Variants in ASCC1 observed in about 807,000 individuals in gnomAD.
ASCC1 encodes activating signal cointegrator 1 complex subunit 1.
In ASCC1, 35 loss-of-function variants were observed where a neutral mutation model predicts 46.6. The ratio of observed to expected loss-of-function variants is 0.75; its 90% CI spans 0.57 to 0.99. ASCC1 has a LOEUF of 0.99. Ranked by LOEUF, ASCC1 falls within the 50% of genes least tolerant of loss-of-function variation. The pLI is 0.00. For synonymous variants in ASCC1, 143 were observed against 146.6 expected, an observed-to-expected ratio of 0.98 and a Z score of 0.18; for missense variants, 376 against 428.7, an observed-to-expected ratio of 0.88 and a Z score of 1.09.
intron 6 of ASCC1, among the ~76,000 whole-genome samples, chr10:72,160,603 G>A (rs1035125006): frequency 5.3e-5 from 8 of 152,140 alleles, no homozygotes; most frequent in Non-Finnish European, 7.4e-5. Flanking sequence ...GCTCACGCCT[G>A]TAATCCCAGC....
chr10:72,156,112 T>C (rs1017250410), intron 6 of ASCC1, among the ~76,000 whole-genome samples: 1 of 152,156 alleles, frequency 6.6e-6, no homozygotes, highest in African/African-American at 2.4e-5. Context: ...TGGGGACAGA[T>C]CTCTTGTCAA....
intron 9 of ASCC1, chr10:72,102,287 A>G: frequency 6.6e-7 from 1 of 1,517,186 alleles, no homozygotes; most frequent in Admixed American, 2.0e-5. Context: ...CTTCATGGGG[A>G]AAACAACAAG....
At chr10:72,103,090 T>C (rs1841966180) in intron 9 of ASCC1, 3 of 342,094 alleles carry the variant, frequency 8.8e-6, no homozygotes, top group Non-Finnish European at 1.7e-5. Context: ...CCAGGAATTA[T>C]CTTATTGCGT....
intron 5 of ASCC1, among the ~76,000 whole-genome samples, chr10:72,172,746 ATT>A (rs1851293614): frequency 1.6e-5 from 2 of 128,494 alleles, no homozygotes; most frequent in African/African-American, 5.5e-5. Context: ...TATTACATAT[ATT>A]ATATATTTTT....
chr10:72,211,926 G>C (rs370678114), intron 2 of ASCC1, among the ~76,000 whole-genome samples: 5 of 152,316 alleles, frequency 3.3e-5, no homozygotes, highest in African/African-American at 1.2e-4. Context: ...GCTCATGCCT[G>C]TAATCTCAGC....
intron 6 of ASCC1, among the ~76,000 whole-genome samples, chr10:72,158,680 C>T (rs975271257): frequency 2.6e-5 from 4 of 152,184 alleles, no homozygotes; most frequent in African/African-American, 9.6e-5. Context: ...TACAGCTCCA[C>T]AGTTTAAATC....
intron 6 of ASCC1, among the ~76,000 whole-genome samples, chr10:72,155,140 T>C (rs1848806375): frequency 6.6e-6 from 1 of 152,188 alleles, no homozygotes; most frequent in Non-Finnish European, 1.5e-5. Flanking sequence ...CCTGGAAGGA[T>C]ACAGAGAAAG....
intron 9 of ASCC1, among the ~76,000 whole-genome samples, chr10:72,118,224 G>A (rs565485017): frequency 2.6e-5 from 4 of 152,018 alleles, no homozygotes; most frequent in East Asian, 3.9e-4. Flanking sequence ...AAAACTAGTC[G>A]GGGGTGGTGG....
At chr10:72,159,835 T>C (rs1849412289) in intron 6 of ASCC1, among the ~76,000 whole-genome samples, 1 of 151,632 alleles carries the variant, frequency 6.6e-6, no homozygotes, top group Non-Finnish European at 1.5e-5. Flanking sequence ...TCAAGAAAAA[T>C]AGTTTGTCTT....
At chr10:72,103,012 T>C in intron 9 of ASCC1, 1 of 442,072 alleles carries the variant, frequency 2.3e-6, no homozygotes, top group South Asian at 1.6e-5. Flanking sequence ...GAACTAGAAA[T>C]ATGTAGGTAT....
chr10:72,105,120 A>G (rs1842196485), intron 9 of ASCC1, among the ~76,000 whole-genome samples: 1 of 152,202 alleles, frequency 6.6e-6, no homozygotes, highest in Non-Finnish European at 1.5e-5. Flanking sequence ...ATGCCAGACA[A>G]GAGTTCAGGA....
chr10:72,183,892 C>T (rs1437795328), intron 5 of ASCC1, among the ~76,000 whole-genome samples: 3 of 151,986 alleles, frequency 2.0e-5, no homozygotes, highest in Non-Finnish European at 4.4e-5. Flanking sequence ...GCCTGTAATC[C>T]CAGCACTTTG....
At chr10:72,102,291 C>T (rs1011345373) in intron 9 of ASCC1, 2 of 1,525,284 alleles carry the variant, frequency 1.3e-6, no homozygotes, top group Admixed American at 2.0e-5. Flanking sequence ...ATGGGGAAAA[C>T]AACAAGTTCA....
rs551948167 is a variant in ASCC1 at position 72,136,007 on chromosome 10, T to G, written c.747-2826A>C. On this transcript the variant is annotated intron_variant, in intron 7 of 9. Transcript: ENST00000672957. ...AGCCATAGGAAACCGAGGGTTGTTT[T>G]TTGTTGTTGTTGTTGTTGTTTTTCT... 1.1e-3 allele frequency among the ~76,000 whole-genome samples: 163 copies of G among 152,158 alleles called. 1 individual carries two copies. The highest frequency in any genetic ancestry group is 3.0e-3 in the African/African-American group (123 of 41,502).
chr10:72,203,407 T>C lies in ASCC1; in HGVS notation c.310+20A>G. On this transcript the variant is annotated intron_variant, in intron 4 of 9. Coordinates refer to ENST00000672957, the MANE Select transcript of ASCC1 (RefSeq NM_001198800.3). ...ATGCAAAAGTGACTTCAAATGTAACTTATATCTACTGAGTCTCACCAATTT... is the reference window on the plus strand; with the variant it reads ...ATGCAAAAGTGACTTCAAATGTAACCTATATCTACTGAGTCTCACCAATTT... 1 of 1,562,174 alleles carries C rather than the reference T, an allele frequency of 6.4e-7. No individual in the cohort carries two copies. The highest frequency in any genetic ancestry group is 8.8e-7 in the Non-Finnish European group (1 of 1,132,770).
chr10:72,122,869 T>C (rs1285075231), intron 9 of ASCC1, among the ~76,000 whole-genome samples: 1 of 152,122 alleles, frequency 6.6e-6, no homozygotes, highest in African/African-American at 2.4e-5. Context: ...ATACAACTTA[T>C]CAAAATTTGT....
rs1218869063 is a variant in ASCC1, at chr10:72,124,765, T to C, written c.957+3317A>G. ...TTTTTGCTATCTCTTAGATTAGAAATGGATACTCTCTGAGGGGACACCATC... is the reference window on the plus strand; with the variant it reads ...TTTTTGCTATCTCTTAGATTAGAAACGGATACTCTCTGAGGGGACACCATC... On this transcript the variant is annotated intron_variant, in intron 9 of 9. Transcript: ENST00000672957. Among the ~76,000 whole-genome samples the C allele has an allele frequency of 2.2e-5, 3 of 136,038 alleles. No individual in the cohort carries two copies. In the South Asian group the frequency reaches 6.6e-4, roughly 30 times the overall value. 89.2% of individuals were successfully genotyped at this position (136,038 alleles called of 152,430 possible).
chr10:72,128,960 A>G (rs185234494), intron 8 of ASCC1, among the ~76,000 whole-genome samples: 36 of 152,366 alleles, frequency 2.4e-4, no homozygotes, highest in African/African-American at 8.7e-4. Flanking sequence ...TGAAATATTA[A>G]TCATTTCCTA....
chr10:72,141,270 C>T (rs1190773644), intron 7 of ASCC1, among the ~76,000 whole-genome samples: 2 of 152,134 alleles, frequency 1.3e-5, no homozygotes, highest in African/African-American at 2.4e-5. Flanking sequence ...ATACAAATTG[C>T]TTTGTAATCT....
Sources: allele counts gnomAD v4.1 joint callset (sites outside exome capture counted in the v4.1 genomes callset), GRCh38; gene constraint gnomAD v4.1.1; transcripts MANE v1.5; gene names NCBI Gene and HGNC (gene_info 2026-07-23, HGNC 2026-07-21).